NAV3: variants seen among roughly 807,000 people sequenced by gnomAD.
The protein encoded by NAV3 is pore membrane and/or filament interacting like protein 1.
Under a neutral mutation model 244.7 loss-of-function variants are expected in NAV3, and 87 were observed. The observed-to-expected ratio is 0.36, with a 90% CI of 0.30 to 0.42. The LOEUF (loss-of-function observed/expected upper bound fraction) is 0.42, where lower values mean the gene tolerates loss of function less well. NAV3 is among the 20% of genes least tolerant of loss of function. The probability of loss-of-function intolerance (pLI) is 1.00; values close to 1 mark genes in which losing one functional copy is unlikely to be tolerated. For missense variants in NAV3, 2,663 were observed against 2,893.3 expected, an observed-to-expected ratio of 0.92 and a Z score of 1.83; for synonymous variants, 1,126 against 1,042.2, an observed-to-expected ratio of 1.08 and a Z score of -1.55.
chr12:77,894,098 T>C (rs1177483956), intron 1 of NAV3, among the ~76,000 whole-genome samples: 2 of 152,200 alleles, frequency 1.3e-5, no homozygotes, highest in African/African-American at 4.8e-5. Flanking sequence ...AGCTTCCTCC[T>C]TACCTCCTGA....
intron 5 of NAV3, among the ~76,000 whole-genome samples, chr12:77,991,319 C>A (rs1278677945): frequency 6.6e-6 from 1 of 152,070 alleles, no homozygotes; most frequent in African/African-American, 2.4e-5. Flanking sequence ...CCACTGCGCC[C>A]AGCCTAGTTT....
chr12:78,068,612 A>G (rs945497068), intron 12 of NAV3, among the ~76,000 whole-genome samples: 6 of 147,398 alleles, frequency 4.1e-5, no homozygotes, highest in African/African-American at 1.5e-4. Flanking sequence ...TATATTATAT[A>G]TAATATATAA....
At position 78,050,818 on chromosome 12, in the gene NAV3, C is replaced by T. The variant is rs1882634309; in HGVS notation, c.2187C>T (p.Thr729=). The change falls in exon 11 of 40, where the codon ACC becomes ACT. Residue 729 remains threonine, a synonymous_variant. Transcript: ENST00000397909. ...STVTTEVNGR[T]IPNLTSRPTP... ...TGACAACAGAAGTTAATGGAAGGACCATACCCAACTTGACAAGTCGACCCA... is the reference window on the plus strand; with the variant it reads ...TGACAACAGAAGTTAATGGAAGGACTATACCCAACTTGACAAGTCGACCCA... 1 of 1,613,162 alleles carries T rather than the reference C, an allele frequency of 6.2e-7. No individual in the cohort carries two copies. The highest frequency in any genetic ancestry group is 8.5e-7 in the Non-Finnish European group (1 of 1,179,462).
intron 5 of NAV3, among the ~76,000 whole-genome samples, chr12:77,989,245 G>A (rs567699044): frequency 6.6e-6 from 1 of 152,190 alleles, no homozygotes; most frequent in South Asian, 2.1e-4. Context: ...GGCAACAGAC[G>A]TTTAAGAGTA....
intron 12 of NAV3, among the ~76,000 whole-genome samples, chr12:78,060,144 A>ATGTTTGTTTGTTTGTTTGTTTGTTTGTTT: frequency 6.6e-6 from 1 of 152,200 alleles, no homozygotes; most frequent in African/African-American, 2.4e-5. Context: ...TTTGTTGAGC[A>ATGTTTGTTTGTTTGTTTGTTTGTTTGTTT]GGAAGGGATT....
At chr12:77,611,258 A>G (rs2136820227) in intron 2 of NAV3, among the ~76,000 whole-genome samples, 1 of 151,948 alleles carries the variant, frequency 6.6e-6, no homozygotes, top group East Asian at 1.9e-4. Context: ...TTTTCTATTT[A>G]TTTTACTGGA....
intron 38 of NAV3, among the ~76,000 whole-genome samples, chr12:78,201,401 T>G (rs1959683983): frequency 6.6e-6 from 1 of 152,006 alleles, no homozygotes; most frequent in South Asian, 2.1e-4. Context: ...TGCAGGATCC[T>G]TTACTATTTT....
chr12:77,813,897 C>T (rs1872414763), intron 2 of NAV3, among the ~76,000 whole-genome samples: 2 of 152,132 alleles, frequency 1.3e-5, no homozygotes, highest in Non-Finnish European at 2.9e-5. Flanking sequence ...GTAAATACAT[C>T]TCAGCGATTT....
At chr12:78,082,446 A>G (rs923775521) in intron 12 of NAV3, among the ~76,000 whole-genome samples, 1 of 152,170 alleles carries the variant, frequency 6.6e-6, no homozygotes, top group Non-Finnish European at 1.5e-5. Flanking sequence ...GTTGTTTCAG[A>G]TCAATTAAAA....
intron 5 of NAV3, among the ~76,000 whole-genome samples, chr12:77,978,862 T>TTGAC (rs1280677564): frequency 3.3e-5 from 5 of 151,918 alleles, no homozygotes; most frequent in Admixed American, 1.3e-4. Context: ...AAAATAACGA[T>TTGAC]TGACTGTATT....
chr12:78,161,891 T>A (rs560729746), intron 23 of NAV3, among the ~76,000 whole-genome samples: 19 of 152,230 alleles, frequency 1.2e-4, no homozygotes, highest in African/African-American at 4.6e-4. Flanking sequence ...AGTAGAATAA[T>A]GTATATAACA....
chr12:77,700,185 A>T (rs965796573), intron 2 of NAV3, among the ~76,000 whole-genome samples: 2 of 152,182 alleles, frequency 1.3e-5, no homozygotes, highest in Non-Finnish European at 2.9e-5. Flanking sequence ...CTTTGAAGAA[A>T]GAGTGAGAGG....
intron 12 of NAV3, among the ~76,000 whole-genome samples, chr12:78,102,006 C>A (rs1868371): frequency 1.3e-5 from 2 of 152,098 alleles, no homozygotes; most frequent in Non-Finnish European, 2.9e-5. Flanking sequence ...GTGATAGGAT[C>A]TTTTAAAAGT....
intron 2 of NAV3, among the ~76,000 whole-genome samples, chr12:77,752,572 A>G (rs28464460): frequency 0.039 from 5,909 of 152,208 alleles, 375 homozygotes; most frequent in African/African-American, 0.13. Context: ...CACTGCTGCA[A>G]TTCTACCGAA....
chr12:77,988,787 A>G lies in NAV3; in HGVS notation c.672-6016A>G, dbSNP rs558284686. On this transcript the variant is annotated intron_variant, in intron 5 of 39. Coordinates refer to ENST00000397909, the MANE Select transcript of NAV3 (RefSeq NM_001024383.2). ...CCCATTGCCTGAGAGCTGTGTCTACATGTCACCTGTGTCTGTTTTACTAGG... is the reference window on the plus strand; with the variant it reads ...CCCATTGCCTGAGAGCTGTGTCTACGTGTCACCTGTGTCTGTTTTACTAGG... Among the ~76,000 whole-genome samples, 207 of 152,186 alleles carry G rather than the reference A, an allele frequency of 1.4e-3. 1 individual carries two copies. The highest frequency in any genetic ancestry group is 2.4e-3 in the Non-Finnish European group (163 of 68,006).
chr12:78,119,395 T>C lies in NAV3; in HGVS notation c.3199T>C (p.Phe1067Leu). 6.2e-7 allele frequency: 1 copy of C among 1,614,138 alleles called. No individual in the cohort carries two copies. Among genetic ancestry groups the C allele is most frequent in the South Asian group, 1.1e-5 (1 of 91,080 alleles). Residue 1067 changes from phenylalanine to leucine, a missense_variant, in exon 15 of 40, where the codon TTT (phenylalanine) becomes CTT (leucine). Transcript: ENST00000397909. ...ATCGACTGCCACCAGCTCCTTTGGC[T>C]TTAAGAAACCAAGTGGAGTAGGGTC... ...GRSTATSSFGFKKPSGVGSSA... is the reference protein window; with the variant it reads ...GRSTATSSFGLKKPSGVGSSA...
chr12:78,065,737 G>GGA (rs1483055307), intron 12 of NAV3, among the ~76,000 whole-genome samples: 3 of 152,068 alleles, frequency 2.0e-5, no homozygotes, highest in Non-Finnish European at 4.4e-5. Context: ...AACAATAAAG[G>GGA]GAGATCTTCA....
intron 18 of NAV3, among the ~76,000 whole-genome samples, chr12:78,135,948 A>G (rs192802885): frequency 3.9e-5 from 6 of 152,162 alleles, no homozygotes; most frequent in African/African-American, 9.6e-5. Flanking sequence ...TTTTACTCCA[A>G]TCAATAACTG....
At chr12:77,964,011 C>G (rs947482137) in intron 3 of NAV3, among the ~76,000 whole-genome samples, 4 of 147,746 alleles carry the variant, frequency 2.7e-5, no homozygotes, top group Admixed American at 6.8e-5. Flanking sequence ...CCTCCTCCTC[C>G]CTCCTCTTCC....
Sources: allele counts gnomAD v4.1 joint callset (sites outside exome capture counted in the v4.1 genomes callset), GRCh38; gene constraint gnomAD v4.1.1; transcripts MANE v1.5; gene names NCBI Gene and HGNC (gene_info 2026-07-23, HGNC 2026-07-21).